CGNL1: variants seen among roughly 807,000 people sequenced by gnomAD.
The protein encoded by CGNL1 is cingulin like 1.
CGNL1 carries 132 observed loss-of-function variants against 141.2 expected under a neutral mutation model. That is an observed-to-expected ratio of 0.93 (90% CI 0.81 to 1.08). The LOEUF is 1.08. CGNL1 is among the 50% of genes least tolerant of loss of function. The pLI, the probability that CGNL1 is intolerant of heterozygous loss-of-function variation, is 0.00. For missense variants in CGNL1, 1,870 were observed against 1,588.6 expected (o/e 1.18, Z -3.01); for synonymous variants, 690 against 622.1 (o/e 1.11, Z -1.63).
chr15:57,448,548 T>C (rs1261335720), intron 4 of CGNL1, among the ~76,000 whole-genome samples: 1 of 151,928 alleles, frequency 6.6e-6, no homozygotes, highest in African/African-American at 2.4e-5. Context: ...TTTGGGAGGC[T>C]GAGGCAGGAG....
At chr15:57,519,813 C>T in intron 10 of CGNL1, among the ~76,000 whole-genome samples, 1 of 152,166 alleles carries the variant, frequency 6.6e-6, no homozygotes, top group East Asian at 1.9e-4. Flanking sequence ...AACATCTCTA[C>T]CTTCATGGTA....
chr15:57,397,908 G>C (rs1008518522), intron 1 of CGNL1, among the ~76,000 whole-genome samples: 1 of 151,818 alleles, frequency 6.6e-6, no homozygotes, highest in African/African-American at 2.4e-5. Flanking sequence ...TCAGCCTCCC[G>C]AGTAGCTGGG....
At chr15:57,447,157 C>T (rs1356716912) in intron 4 of CGNL1, among the ~76,000 whole-genome samples, 1 of 152,042 alleles carries the variant, frequency 6.6e-6, no homozygotes, top group Non-Finnish European at 1.5e-5. Flanking sequence ...TGAACTTTGT[C>T]CCCACTTATT....
chr15:57,535,413 C>T (rs1171223728), intron 14 of CGNL1, among the ~76,000 whole-genome samples: 1 of 152,100 alleles, frequency 6.6e-6, no homozygotes, highest in Non-Finnish European at 1.5e-5. Flanking sequence ...AGGGAAAGAC[C>T]ATTGTTGCAA....
At chr15:57,441,244 A>G (rs1341628234) in intron 3 of CGNL1, among the ~76,000 whole-genome samples, 4 of 150,850 alleles carry the variant, frequency 2.7e-5, no homozygotes, top group Non-Finnish European at 5.9e-5. Context: ...GATCTTTTGA[A>G]AGGGGGAAAA....
At chr15:57,541,886 T>C (rs2032583773) in intron 14 of CGNL1, among the ~76,000 whole-genome samples, 1 of 152,224 alleles carries the variant, frequency 6.6e-6, no homozygotes. Context: ...AGCATTTTCT[T>C]TGGACCACCT....
At chr15:57,420,801 C>T (rs2062905909) in intron 1 of CGNL1, among the ~76,000 whole-genome samples, 2 of 152,220 alleles carry the variant, frequency 1.3e-5, no homozygotes. Context: ...GATAAAGACT[C>T]AGCCATTAGG....
intron 1 of CGNL1, chr15:57,405,060 T>A (rs2062700426): frequency 6.6e-6 from 1 of 152,146 alleles, no homozygotes; most frequent in Non-Finnish European, 1.5e-5. Context: ...GTGCTTTCTT[T>A]CCTTTCTTTT....
Position 57,451,482 on chromosome 15 carries a change from C to T in CGNL1, c.1804-18C>T. Reference sequence around the variant, plus strand: ...ACCCTGAACATTTAAATTAGTATATCTTTGCAATTAATTATAGGCTTGTAA... The same window carrying T: ...ACCCTGAACATTTAAATTAGTATATTTTTGCAATTAATTATAGGCTTGTAA... On this transcript the variant is annotated intron_variant, in intron 4 of 18. Transcript: ENST00000281282. 6.5e-7 allele frequency: 1 copy of T among 1,541,078 alleles called. No individual in the cohort carries two copies. Among genetic ancestry groups the T allele is most frequent in the Non-Finnish European group, 8.9e-7 (1 of 1,120,410 alleles).
rs922414012 is a variant in CGNL1 at position 57,549,635 on chromosome 15, G to A, written c.*2145G>A. On this transcript the variant is annotated 3_prime_UTR_variant, in exon 19 of 19. Transcript: ENST00000281282. ...CATATTTATTGGGCATCGGTGATGT[G>A]TCAGGCACAGTCCTTGGCACACAGA... 1.3e-5 allele frequency: 2 copies of A among 152,178 alleles called. No individual in the cohort carries two copies. The highest frequency in any genetic ancestry group is 2.9e-5 in the Non-Finnish European group (2 of 68,044). 9.4% of individuals were successfully genotyped at this position (152,178 alleles called of 1,614,324 possible).
intron 13 of CGNL1, 41 bp downstream of exon 13, chr15:57,528,856 A>C: frequency 6.3e-7 from 1 of 1,599,668 alleles, no homozygotes; most frequent in Non-Finnish European, 8.5e-7. Flanking sequence ...ACCTGCAGAG[A>C]GCGAGGCTGG....
intron 8 of CGNL1, among the ~76,000 whole-genome samples, chr15:57,493,562 G>C (rs551125886): frequency 1.3e-5 from 2 of 152,348 alleles, no homozygotes; most frequent in South Asian, 4.1e-4. Context: ...AAACTGAAAA[G>C]AGATACATGA....
Position 57,452,988 on chromosome 15 carries a change from GCT to G in CGNL1, c.2055-694_2055-693del, listed in dbSNP as rs1397490082. On this transcript the variant is annotated intron_variant, in intron 6 of 18. Transcript: ENST00000281282. Reference sequence around the variant, plus strand: ...TTTTGCGTTTAAAACAATCATAGATGCTAATTGCAGAAAAGAGTTTAGTAAGA... The same window carrying G: ...TTTTGCGTTTAAAACAATCATAGATGAATTGCAGAAAAGAGTTTAGTAAGA... Among the ~76,000 whole-genome samples the G allele has an allele frequency of 3.3e-5, 5 of 152,270 alleles. No individual in the cohort carries two copies. The East Asian group carries it at 9.6e-4, about 29-fold the overall frequency.
intron 1 of CGNL1, among the ~76,000 whole-genome samples, chr15:57,399,545 G>GTTT (rs60341384): frequency 1.4e-5 from 2 of 143,418 alleles, no homozygotes; most frequent in Non-Finnish European, 1.5e-5. Context: ...ATCTATAGTT[G>GTTT]TTTTTTTTTT....
intron 14 of CGNL1, among the ~76,000 whole-genome samples, chr15:57,539,812 C>T (rs117246195): frequency 0.026 from 3,979 of 152,296 alleles, 82 homozygotes; most frequent in South Asian, 0.05. Flanking sequence ...TTATATATTG[C>T]TCCTTGGTGG....
chr15:57,534,305 T>C (rs1212148566), intron 14 of CGNL1, among the ~76,000 whole-genome samples: 1 of 152,200 alleles, frequency 6.6e-6, no homozygotes, highest in Non-Finnish European at 1.5e-5. Context: ...GTGGAGAAAT[T>C]GAGCACATTC....
intron 8 of CGNL1, among the ~76,000 whole-genome samples, chr15:57,496,305 G>A (rs1468715858): frequency 3.3e-5 from 5 of 152,126 alleles, no homozygotes; most frequent in African/African-American, 1.2e-4. Flanking sequence ...CTGATATTTG[G>A]GTTGAGCCCT....
intron 12 of CGNL1, among the ~76,000 whole-genome samples, chr15:57,528,028 G>A (rs753495282): frequency 1.3e-5 from 2 of 152,216 alleles, no homozygotes; most frequent in African/African-American, 2.4e-5. Context: ...GGAGACTGAG[G>A]CGGGCATCAC....
In CGNL1 at chr15:57,421,434, C is replaced by T. The variant is rs374345684; in HGVS notation, c.-15-16551C>T. Among the ~76,000 whole-genome samples the T allele has an allele frequency of 7.2e-5, 11 of 151,816 alleles. 1 individual carries two copies. The highest frequency in any genetic ancestry group is 5.8e-4 in the East Asian group (3 of 5,148). On this transcript the variant is annotated intron_variant, in intron 1 of 18. Transcript: ENST00000281282. ...TAAACACCGAAAGGAACCCTCTTTC[C>T]TCCTGGCTTAGGAGATCCTGGGCTT...
Sources: allele counts gnomAD v4.1 joint callset (sites outside exome capture counted in the v4.1 genomes callset), GRCh38; gene constraint gnomAD v4.1.1; transcripts MANE v1.5; gene names NCBI Gene and HGNC (gene_info 2026-07-23, HGNC 2026-07-21).